FTO: variants seen among roughly 807,000 people sequenced by gnomAD.
The protein encoded by FTO is FTO alpha-ketoglutarate dependent dioxygenase, also known as alpha-ketoglutarate-dependent dioxygenase FTO.
A neutral mutation model predicts 63.9 loss-of-function variants in FTO; 47 were observed. The observed-to-expected ratio is 0.74, with a 90% CI of 0.58 to 0.94. The LOEUF (loss-of-function observed/expected upper bound fraction) is 0.94. FTO is among the 40% of genes least tolerant of loss of function. FTO has a pLI of 0.00. For missense variants in FTO, 562 were observed against 618.1 expected, an observed-to-expected ratio of 0.91 and a Z score of 0.96; for synonymous variants, 207 against 224.4, an observed-to-expected ratio of 0.92 and a Z score of 0.69.
At chr16:53,930,221 CTTTT>C (rs1014205147) in intron 7 of FTO, among the ~76,000 whole-genome samples, 6 of 75,692 alleles carry the variant, frequency 7.9e-5, no homozygotes, top group South Asian at 4.6e-4. Flanking sequence ...TGATTATCTT[CTTTT>C]TTTTTTTTTT....
chr16:53,900,582 C>CCAGTCATT (rs1187421057), intron 7 of FTO, among the ~76,000 whole-genome samples: 1 of 148,288 alleles, frequency 6.7e-6, no homozygotes, highest in Non-Finnish European at 1.5e-5. Context: ...TTTCTTCATC[C>CCAGTCATT]CAGTCATTTA....
chr16:53,813,568 C>A lies in FTO; in HGVS notation c.123+3351C>A, dbSNP rs183409367. Among the ~76,000 whole-genome samples, 27 of 152,282 alleles carry A rather than the reference C, an allele frequency of 1.8e-4. No individual in the cohort carries two copies. In the East Asian group the frequency reaches 3.7e-3, roughly 21 times the overall value. ...CAATAAAACCTTAGTAAAAGTAAAC[C>A]TCTTCTCTTAAAAGATGAAGTGAAA... On this transcript the variant is annotated intron_variant, in intron 2 of 8. Transcript: ENST00000471389.
chr16:53,984,321 CTTTTTTTTT>C (rs5816913), intron 8 of FTO, among the ~76,000 whole-genome samples: 9 of 67,316 alleles, frequency 1.3e-4, no homozygotes, highest in African/African-American at 5.0e-4. Flanking sequence ...TGGAATGGGT[CTTTTTTTTT>C]TTTTTTTTTT....
At chr16:54,107,663 A>G (rs1414235877) in intron 8 of FTO, among the ~76,000 whole-genome samples, 1 of 152,224 alleles carries the variant, frequency 6.6e-6, no homozygotes, top group African/African-American at 2.4e-5. Context: ...ACTGACAGCA[A>G]GGAAGCATGG....
rs146129276 is a variant in FTO, at chr16:54,065,545, A to G, written c.1365-46217A>G. The stretch of plus-strand genomic sequence containing the variant: ...TGTAGTCAGGACATCAGATACTAGC[A>G]TTTGTCAATAAAAAGTGTCAAATGA... On this transcript the variant is annotated intron_variant, in intron 8 of 8. Coordinates refer to ENST00000471389, the MANE Select transcript of FTO (RefSeq NM_001080432.3). Among the ~76,000 whole-genome samples the G allele has an allele frequency of 4.6e-3, 703 of 152,262 alleles. 11 individuals are homozygous for G. The highest frequency in any genetic ancestry group is 0.016 in the African/African-American group (670 of 41,544).
Position 53,966,952 on chromosome 16 carries a change from A to C in FTO, c.1364+32843A>C, listed in dbSNP as rs2083209558. Among the ~76,000 whole-genome samples the C allele has an allele frequency of 2.0e-5, 3 of 152,142 alleles. No individual in the cohort carries two copies. The South Asian group carries it at 6.2e-4, about 32-fold the overall frequency. ...AATTATAATGGCCTGATCCGTGTGG[A>C]GTGGGTGAGTCCTGCTTAACAATCG... On this transcript the variant is annotated intron_variant, in intron 8 of 8. Coordinates refer to ENST00000471389, the MANE Select transcript of FTO (RefSeq NM_001080432.3).
intron 8 of FTO, among the ~76,000 whole-genome samples, chr16:54,029,572 G>A (rs939427274): frequency 2.0e-5 from 3 of 152,030 alleles, no homozygotes; most frequent in Admixed American, 6.6e-5. Flanking sequence ...TCTTCCTACC[G>A]TCTTCCATTT....
intron 7 of FTO, among the ~76,000 whole-genome samples, chr16:53,898,513 C>T (rs925595928): frequency 6.6e-6 from 1 of 152,184 alleles, no homozygotes; most frequent in African/African-American, 2.4e-5. Flanking sequence ...GAAATAATCT[C>T]CATGAGGGCA....
At chr16:53,883,644 A>AAAC (rs2080917612) in intron 6 of FTO, among the ~76,000 whole-genome samples, 1 of 150,692 alleles carries the variant, frequency 6.6e-6, no homozygotes, top group Admixed American at 6.6e-5. Context: ...AACAAAAAAA[A>AAAC]AAAAACAAAT....
In FTO at chr16:53,955,870, G is replaced by A. The variant is rs117581452; in HGVS notation, c.1364+21761G>A. ...GAGCTCAAAACTATTGAGGCTGGGC[G>A]TGATGGCTCATGATTGTAATCCCAG... On this transcript the variant is annotated intron_variant, in intron 8 of 8. Coordinates refer to ENST00000471389, the MANE Select transcript of FTO (RefSeq NM_001080432.3). Among the ~76,000 whole-genome samples, 294 of 152,286 alleles carry A rather than the reference G, an allele frequency of 1.9e-3. 2 individuals carry two copies. The highest frequency in any genetic ancestry group is 4.1e-3 in the Admixed American group (63 of 15,302).
chr16:53,907,414 C>T (rs954656406), intron 7 of FTO, among the ~76,000 whole-genome samples: 3 of 152,084 alleles, frequency 2.0e-5, no homozygotes, highest in Admixed American at 1.3e-4. Flanking sequence ...GCTTGGCTGA[C>T]GGGGAGCACA....
intron 8 of FTO, among the ~76,000 whole-genome samples, chr16:53,971,399 A>G (rs184043601): frequency 5.9e-5 from 9 of 152,358 alleles, no homozygotes; most frequent in Admixed American, 4.6e-4. Context: ...TCAGCAAAGT[A>G]TACATTTATC....
rs551703820 is a variant in FTO, at chr16:53,952,819, C to T, written c.1364+18710C>T. Among the ~76,000 whole-genome samples the T allele has an allele frequency of 5.3e-5, 8 of 152,280 alleles. No homozygotes were observed. The South Asian group carries it at 1.5e-3, about 28-fold the overall frequency. On this transcript the variant is annotated intron_variant, in intron 8 of 8. Coordinates refer to ENST00000471389, the MANE Select transcript of FTO (RefSeq NM_001080432.3). ...ATGTTTGAAGTTCTTCTGTGACTCT[C>T]GATTAACCTTGATTTAAAGTTCCAG... is the stretch of plus-strand genomic sequence containing the variant.
At chr16:53,858,366 C>T (rs2080069952) in intron 4 of FTO, among the ~76,000 whole-genome samples, 1 of 152,120 alleles carries the variant, frequency 6.6e-6, no homozygotes, top group Admixed American at 6.5e-5. Flanking sequence ...AAGAGATTCT[C>T]AGGAAAGAGG....
At chr16:54,021,219 A>AT (rs111629876) in intron 8 of FTO, among the ~76,000 whole-genome samples, 4,532 of 151,752 alleles carry the variant, frequency 0.03, 124 homozygotes, top group Middle Eastern at 0.12. Flanking sequence ...TCATCTTTTC[A>AT]TTTAGAGGCT....
chr16:53,901,730 A>T lies in FTO; in HGVS notation c.1239+12779A>T, dbSNP rs149569638. Among the ~76,000 whole-genome samples, 987 of 152,170 alleles carry T rather than the reference A, an allele frequency of 6.5e-3. 12 individuals carry two copies. The highest frequency in any genetic ancestry group is 0.023 in the African/African-American group (947 of 41,522). ...CTGGTCTTTCCCACCTTTGCACATA[A>T]ATTTCTGCTAGACCCTCATGTTTTC... On this transcript the variant is annotated intron_variant, in intron 7 of 8. Transcript: ENST00000471389.
rs368175474 is a variant in FTO, at chr16:53,930,316, C to T, written c.1240-3669C>T. On this transcript the variant is annotated intron_variant, in intron 7 of 8. Coordinates refer to ENST00000471389, the MANE Select transcript of FTO (RefSeq NM_001080432.3). ...TTGGCTCACTGCAAGCTCTGCCTCC[C>T]GGGTTCATGCCATTCTCCTGCCTCA... Among the ~76,000 whole-genome samples, 62 of 149,262 alleles carry T rather than the reference C, an allele frequency of 4.2e-4. No homozygotes were observed. In the East Asian group the frequency reaches 6.7e-3, roughly 16 times the overall value.
chr16:54,097,367 G>C (rs149401804), intron 8 of FTO, among the ~76,000 whole-genome samples: 2 of 151,950 alleles, frequency 1.3e-5, no homozygotes, highest in African/African-American at 4.8e-5. Flanking sequence ...TGGTGACAGG[G>C]TCTGGCTCTG....
At chr16:54,033,753 G>A (rs1310608334) in intron 8 of FTO, among the ~76,000 whole-genome samples, 1 of 152,084 alleles carries the variant, frequency 6.6e-6, no homozygotes, top group African/African-American at 2.4e-5. Context: ...AAAGTTCAAG[G>A]CTGCAGGGAA....
Sources: allele counts gnomAD v4.1 joint callset (sites outside exome capture counted in the v4.1 genomes callset), GRCh38; gene constraint gnomAD v4.1.1; transcripts MANE v1.5; gene names NCBI Gene and HGNC (gene_info 2026-07-23, HGNC 2026-07-21).